Variants in VWA3B observed in about 807,000 individuals in gnomAD.
The protein encoded by VWA3B is von Willebrand factor A domain-containing protein 3B.
VWA3B carries 138 observed loss-of-function variants against 158.3 expected under a neutral mutation model. That is an observed-to-expected ratio of 0.87 (90% confidence interval 0.76 to 1.00). VWA3B has a LOEUF of 1.00. VWA3B is among the 50% of genes least tolerant of loss of function. VWA3B has a pLI of 0.00. For missense variants in VWA3B, 1,555 were observed against 1,565.1 expected (o/e 0.99, Z 0.11); for synonymous variants, 596 against 587.3 (o/e 1.01, Z -0.21).
intron 7 of VWA3B, among the ~76,000 whole-genome samples, chr2:98,159,971 C>T (rs924632288): frequency 6.7e-6 from 1 of 150,170 alleles, no homozygotes; most frequent in East Asian, 2.0e-4. Flanking sequence ...GATCGTGCTA[C>T]TGCACTCCAG....
intron 7 of VWA3B, among the ~76,000 whole-genome samples, chr2:98,148,538 CTG>C (rs1558603771): frequency 6.6e-6 from 1 of 152,204 alleles, no homozygotes; most frequent in Non-Finnish European, 1.5e-5. Context: ...TGCACAGTAA[CTG>C]TAATCTATAA....
At chr2:98,309,058 GC>G (rs1445339937) in intron 26 of VWA3B, among the ~76,000 whole-genome samples, 2 of 151,414 alleles carry the variant, frequency 1.3e-5, no homozygotes, top group Admixed American at 1.3e-4. Flanking sequence ...CTTAATCCCA[GC>G]TACTCGGGAG....
At chr2:98,255,673 C>T (rs1687089267) in intron 20 of VWA3B, among the ~76,000 whole-genome samples, 1 of 152,088 alleles carries the variant, frequency 6.6e-6, no homozygotes, top group Non-Finnish European at 1.5e-5. Flanking sequence ...AGGCAGCCAG[C>T]CTGCTTGATC....
At chr2:98,172,038 A>G (rs559023692) in intron 8 of VWA3B, among the ~76,000 whole-genome samples, 12 of 152,222 alleles carry the variant, frequency 7.9e-5, no homozygotes, top group Non-Finnish European at 1.3e-4. Flanking sequence ...TGCAGCCCCA[A>G]TGGGCGTGTG....
chr2:98,228,469 G>C, intron 15 of VWA3B, 137 bp downstream of exon 15: 3 of 1,112,266 alleles, frequency 2.7e-6, no homozygotes, highest in South Asian at 4.4e-5. Context: ...GATTAAGTTA[G>C]GATTTTTTTA....
chr2:98,303,910 G>C lies in VWA3B; in HGVS notation c.3521+108G>C, dbSNP rs536178221. 1.2e-5 allele frequency: 13 copies of C among 1,042,994 alleles called. No homozygotes were observed. In the South Asian group the frequency reaches 1.6e-4, roughly 13 times the overall value. The allele number at this position is 1,042,994 out of a possible 1,614,324, so 64.6% of individuals were successfully genotyped here. A position where few individuals can be genotyped will look rare whatever the true frequency, so the allele number is the denominator to read the frequency against. On this transcript the variant is annotated intron_variant, in intron 26 of 27. Transcript: ENST00000477737. ...CTCTAAATACTAGGGAAGAAAAGTA[G>C]AGATGCAGAATGTCCTACTTAAAAT...
At chr2:98,184,675 C>T (rs1680869213) in intron 9 of VWA3B, among the ~76,000 whole-genome samples, 1 of 152,238 alleles carries the variant, frequency 6.6e-6, no homozygotes, top group African/African-American at 2.4e-5. Context: ...GCTTCCAGGC[C>T]TCTGAAACGT....
intron 8 of VWA3B, among the ~76,000 whole-genome samples, chr2:98,173,746 T>G (rs978550292): frequency 5.9e-5 from 9 of 152,106 alleles, no homozygotes; most frequent in Non-Finnish European, 5.9e-5. Flanking sequence ...GGTGGGTGGA[T>G]CACGAGGTCA....
In VWA3B at chr2:98,312,494, C is replaced by G; in HGVS notation, c.*145C>G. Reference sequence around the variant, plus strand: ...CCTGCCCTGTCTGTAGCAAAGACTCCTCTCCCCTCCATCCCTGCTGCCTCC... The same window carrying G: ...CCTGCCCTGTCTGTAGCAAAGACTCGTCTCCCCTCCATCCCTGCTGCCTCC... On this transcript the variant is annotated 3_prime_UTR_variant, in exon 28 of 28. Coordinates refer to ENST00000477737, the MANE Select transcript of VWA3B (RefSeq NM_144992.5). 1.0e-6 allele frequency: 1 copy of G among 989,320 alleles called. No homozygotes were observed. Among genetic ancestry groups the G allele is most frequent in the Admixed American group, 2.9e-5 (1 of 33,926 alleles). The allele number at this position is 989,320 out of a possible 1,614,324, so 61.3% of individuals were successfully genotyped here.
intron 21 of VWA3B, among the ~76,000 whole-genome samples, chr2:98,269,969 G>A (rs534255942): frequency 1.3e-5 from 2 of 152,278 alleles, no homozygotes; most frequent in East Asian, 3.9e-4. Context: ...AGCAATAAGA[G>A]TGATAATCAT....
At chr2:98,291,658 G>A (rs977102386) in intron 23 of VWA3B, 2 of 152,206 alleles carry the variant, frequency 1.3e-5, no homozygotes, top group African/African-American at 2.4e-5. Flanking sequence ...GATACCAAGG[G>A]GTTAGGATGT....
At chr2:98,103,812 A>G (rs985984843) in intron 2 of VWA3B, among the ~76,000 whole-genome samples, 1 of 152,106 alleles carries the variant, frequency 6.6e-6, no homozygotes, top group African/African-American at 2.4e-5. Flanking sequence ...AAAATTATAT[A>G]TATTTAGTGC....
At chr2:98,311,137 G>A (rs1444523457) in intron 26 of VWA3B, among the ~76,000 whole-genome samples, 2 of 152,194 alleles carry the variant, frequency 1.3e-5, no homozygotes, top group East Asian at 1.9e-4. Context: ...TAGGCAGTGG[G>A]TGTCCTTAAC....
chr2:98,188,127 G>C lies in VWA3B; in HGVS notation c.1464G>C (p.Arg488Ser). ...RIHTALARIR[R>S]RIKWLQDGSQ... ...ACACAGCCCTGGCCCGGATCCGAAG[G>C]AGGTTGGTGTTATTTGCAGGAAGTT... The change falls in exon 10 of 28, where the codon AGG (arginine) becomes AGC (serine). Residue 488 changes from arginine (R) to serine (S), a missense_variant and splice_region_variant. Arg to Ser is a moderately radical substitution (Grantham distance 110). Transcript: ENST00000477737. 6.2e-7 allele frequency: 1 copy of C among 1,609,724 alleles called. No individual in the cohort carries two copies. Among genetic ancestry groups the C allele is most frequent in the Non-Finnish European group, 8.5e-7 (1 of 1,178,004 alleles).
chr2:98,184,263 T>A (rs537155134), intron 9 of VWA3B, among the ~76,000 whole-genome samples: 29 of 152,232 alleles, frequency 1.9e-4, no homozygotes, highest in Non-Finnish European at 4.0e-4. Context: ...GTGGTGAACA[T>A]GAGAGACAAG....
intron 16 of VWA3B, among the ~76,000 whole-genome samples, chr2:98,231,490 T>C (rs1491001450): frequency 1.3e-5 from 2 of 152,102 alleles, no homozygotes; most frequent in Non-Finnish European, 2.9e-5. Flanking sequence ...AGGTGCAAAA[T>C]TAACTCAATG....
At chr2:98,298,052 T>G (rs1689922745) in intron 24 of VWA3B, 21 bp downstream of exon 24, 3 of 1,480,046 alleles carry the variant, frequency 2.0e-6, no homozygotes, top group Non-Finnish European at 2.7e-6. Context: ...CCTGATGTGT[T>G]CTGGGGCCCC....
intron 14 of VWA3B, among the ~76,000 whole-genome samples, chr2:98,222,644 G>A (rs72817768): frequency 1.3e-5 from 2 of 152,144 alleles, no homozygotes; most frequent in Admixed American, 1.3e-4. Flanking sequence ...GACAGCAGGG[G>A]AGGTACCAAG....
intron 26 of VWA3B, among the ~76,000 whole-genome samples, chr2:98,306,800 G>T (rs1174213347): frequency 6.6e-6 from 1 of 152,114 alleles, no homozygotes. Flanking sequence ...ATCTACCCTT[G>T]CTTCTGGGCT....
Sources: allele counts gnomAD v4.1 joint callset (sites outside exome capture counted in the v4.1 genomes callset), GRCh38; gene constraint gnomAD v4.1.1; transcripts MANE v1.5; gene names NCBI Gene and HGNC (gene_info 2026-07-23, HGNC 2026-07-21).